The following STX7 variants were observed in gnomAD, a reference collection of about 807,000 sequenced individuals.
STX7 encodes the protein syntaxin 7, also known as syntaxin-7.
Under a neutral mutation model 39.6 loss-of-function variants are expected in STX7, and 34 were observed. The ratio of observed to expected loss-of-function variants is 0.86; its 90% confidence interval spans 0.65 to 1.14. STX7 has a LOEUF of 1.14. Ranked by LOEUF, STX7 falls within the 50% of genes most tolerant of loss-of-function variation. The pLI is 0.00. For synonymous variants in STX7, 119 were observed against 99.1 expected (o/e 1.20, Z -1.19); for missense variants, 284 against 310.4 (o/e 0.92, Z 0.64).
chr6:132,475,495 T>C, intron 3 of STX7, 98 bp downstream of exon 3: 1 of 698,304 alleles, frequency 1.4e-6, no homozygotes, highest in Non-Finnish European at 2.2e-6. Context: ...TTCCATTTTT[T>C]CTTCCAGTAA....
chr6:132,486,664 G>GA (rs1268375071), intron 2 of STX7, among the ~76,000 whole-genome samples: 1 of 125,144 alleles, frequency 8.0e-6, no homozygotes, highest in African/African-American at 3.0e-5. Context: ...TTTTTTCTGG[G>GA]TTTTTTTTTT....
chr6:132,494,422 G>A (rs1775372784), intron 2 of STX7, among the ~76,000 whole-genome samples: 1 of 152,038 alleles, frequency 6.6e-6, no homozygotes, highest in Admixed American at 6.6e-5. Flanking sequence ...CTGATAAAAG[G>A]CAATATAAAA....
chr6:132,482,463 T>G (rs1359565327), intron 2 of STX7, among the ~76,000 whole-genome samples: 4 of 152,218 alleles, frequency 2.6e-5, no homozygotes, highest in Non-Finnish European at 4.4e-5. Context: ...ACAAAGAAGT[T>G]GAGAACCAGA....
chr6:132,471,078 G>A (rs948041990), intron 5 of STX7, among the ~76,000 whole-genome samples: 2 of 151,868 alleles, frequency 1.3e-5, no homozygotes, highest in African/African-American at 2.4e-5. Flanking sequence ...ACATACTTGC[G>A]CCATTCATCT....
At position 132,446,853 on chromosome 6, in the gene STX7, G is replaced by A. The variant is rs1421970069; in HGVS notation, c.*13905C>T. ...GAGGCAAAAAGAATGCTATTAGGCT[G>A]ACTGATTTATGTAAAGCAGTGCCTA... On this transcript the variant is annotated 3_prime_UTR_variant, in exon 10 of 10. Transcript: ENST00000367941. 3 of 152,080 alleles carry A rather than the reference G, an allele frequency of 2.0e-5. No individual in the cohort carries two copies. Among genetic ancestry groups the A allele is most frequent in the African/African-American group, 4.8e-5 (2 of 41,410 alleles). 9.4% of individuals were successfully genotyped at this position (152,080 alleles called of 1,614,324 possible). A position where few individuals can be genotyped will look rare whatever the true frequency, so the allele number is the denominator to read the frequency against.
At chr6:132,497,803 G>A (rs969257824) in intron 2 of STX7, among the ~76,000 whole-genome samples, 2 of 152,180 alleles carry the variant, frequency 1.3e-5, no homozygotes, top group Admixed American at 1.3e-4. Context: ...CTAGGAGTAT[G>A]TCTGACAGAA....
In STX7 at chr6:132,476,980, C is replaced by T. The variant is rs145538122; in HGVS notation, c.86-1318G>A. 2.5e-3 allele frequency among the ~76,000 whole-genome samples: 386 copies of T among 152,132 alleles called. 4 individuals carry two copies. The highest frequency in any genetic ancestry group is 8.6e-3 in the African/African-American group (356 of 41,530). On this transcript the variant is annotated intron_variant, in intron 2 of 9. Transcript: ENST00000367941. ...GTGGTTTACTTATATAGCTTAAATGCTTTAAAACTATTCATTATTTACATG... is the reference window on the plus strand; with the variant it reads ...GTGGTTTACTTATATAGCTTAAATGTTTTAAAACTATTCATTATTTACATG...
rs1261800728 is a variant in STX7, at chr6:132,471,630, G to C, written c.250-30C>G. On this transcript the variant is annotated intron_variant, in intron 4 of 9. Transcript: ENST00000367941. The stretch of plus-strand genomic sequence containing the variant: ...AGGAAAGAGAAGAAAAAGCCAACTA[G>C]AATCTAGCTGTGAAGTTCAACTGAA... 2.5e-6 allele frequency: 4 copies of C among 1,603,048 alleles called. No homozygotes were observed. The Admixed American group carries it at 7.0e-5, about 28-fold the overall frequency.
chr6:132,463,181 C>T (rs1774459987), intron 9 of STX7, among the ~76,000 whole-genome samples: 2 of 152,046 alleles, frequency 1.3e-5, no homozygotes, highest in African/African-American at 4.8e-5. Flanking sequence ...GCACTCCAGC[C>T]TGGGCATCGG....
chr6:132,466,178 G>A (rs1296809760), intron 8 of STX7, among the ~76,000 whole-genome samples: 1 of 152,102 alleles, frequency 6.6e-6, no homozygotes, highest in Non-Finnish European at 1.5e-5. Context: ...GGTCACCTAT[G>A]CCCTACACAC....
intron 1 of STX7, among the ~76,000 whole-genome samples, chr6:132,512,625 T>C (rs1426385831): frequency 6.6e-6 from 1 of 152,196 alleles, no homozygotes; most frequent in Non-Finnish European, 1.5e-5. Context: ...AAGAGGTCAT[T>C]TGGTCGTGTC....
At chr6:132,503,417 T>C (rs1334283729) in intron 2 of STX7, 29 bp downstream of exon 2, 2 of 1,580,238 alleles carry the variant, frequency 1.3e-6, no homozygotes, top group African/African-American at 2.7e-5. Flanking sequence ...TGGATACAAA[T>C]AGTGAAGTCC....
In STX7 at chr6:132,456,669, AT is replaced by A. The variant is rs951724880; in HGVS notation, c.*4088del. On this transcript the variant is annotated 3_prime_UTR_variant, in exon 10 of 10. Transcript: ENST00000367941. ...TACCATCTAGAGCCAATGCTTCTAA[AT>A]TTTTCCATCAAAGAATCTTTAATGA... 1.3e-5 allele frequency: 2 copies of A among 152,220 alleles called. No homozygotes were observed. Among genetic ancestry groups the A allele is most frequent in the African/African-American group, 4.8e-5 (2 of 41,444 alleles). 9.4% of individuals were successfully genotyped at this position (152,220 alleles called of 1,614,324 possible).
intron 1 of STX7, among the ~76,000 whole-genome samples, chr6:132,509,519 TAAAAA>T (rs1158326856): frequency 1.9e-4 from 27 of 143,104 alleles, no homozygotes; most frequent in African/African-American, 6.5e-4. Flanking sequence ...TAACATAAAA[TAAAAA>T]AAGACAAAAG....
Position 132,471,444 on chromosome 6 carries a change from T to C in STX7, c.387+19A>G, listed in dbSNP as rs1324019905. The stretch of plus-strand genomic sequence containing the variant: ...CAAGTAACCATGTTCATTTCTAGAA[T>C]GTCTTTTAAAATACTTACAGACACT... On this transcript the variant is annotated intron_variant, in intron 5 of 9. Transcript: ENST00000367941. The C allele has an allele frequency of 4.4e-6, 7 of 1,604,568 alleles. No individual in the cohort carries two copies. Among genetic ancestry groups the C allele is most frequent in the South Asian group, 2.2e-5 (2 of 88,936 alleles).
At position 132,457,261 on chromosome 6, in the gene STX7, T is replaced by C. The variant is rs892113816; in HGVS notation, c.*3497A>G. On this transcript the variant is annotated 3_prime_UTR_variant, in exon 10 of 10. Transcript: ENST00000367941. ...TTGTTAAAATATGCAAAATTCACAT[T>C]AAAGAAGTTTCCTACCTATCTTGTG... is the stretch of plus-strand genomic sequence containing the variant. 6 of 152,228 alleles carry C rather than the reference T, an allele frequency of 3.9e-5. No individual in the cohort carries two copies. The highest frequency in any genetic ancestry group is 3.3e-4 in the Admixed American group (5 of 15,286). The allele number at this position is 152,228 out of a possible 1,614,324, so 9.4% of individuals were successfully genotyped here. A position where few individuals can be genotyped will look rare whatever the true frequency, so the allele number is the denominator to read the frequency against.
Position 132,454,493 on chromosome 6 carries a change from C to A in STX7, c.*6265G>T, listed in dbSNP as rs191824831. The A allele has an allele frequency of 6.6e-6, 1 of 152,272 alleles. No individual in the cohort carries two copies. The highest frequency in any genetic ancestry group is 1.5e-5 in the Non-Finnish European group (1 of 68,000). The allele number at this position is 152,272 out of a possible 1,614,324, so 9.4% of individuals were successfully genotyped here. A position where few individuals can be genotyped will look rare whatever the true frequency, so the allele number is the denominator to read the frequency against. ...AAAGAGGTCTCTGTATTATTTCTTA[C>A]AACAGCATGTGAATCTAGTTTCTCA... is the stretch of plus-strand genomic sequence containing the variant. On this transcript the variant is annotated 3_prime_UTR_variant, in exon 10 of 10. Transcript: ENST00000367941.
intron 2 of STX7, among the ~76,000 whole-genome samples, chr6:132,492,535 TACTC>T (rs1775318341): frequency 6.6e-6 from 1 of 152,286 alleles, no homozygotes; most frequent in Admixed American, 6.5e-5. Flanking sequence ...GTTTAATAAA[TACTC>T]ACACAGGGAA....
intron 2 of STX7, among the ~76,000 whole-genome samples, chr6:132,488,697 C>T (rs1775201736): frequency 6.6e-6 from 1 of 151,862 alleles, no homozygotes; most frequent in African/African-American, 2.4e-5. Context: ...TATCAATTGA[C>T]AAAAGATAGT....
Sources: allele counts gnomAD v4.1 joint callset (sites outside exome capture counted in the v4.1 genomes callset), GRCh38; gene constraint gnomAD v4.1.1; transcripts MANE v1.5; gene names NCBI Gene and HGNC (gene_info 2026-07-23, HGNC 2026-07-21).